The following GPC3 variants were observed in gnomAD, a reference collection of about 807,000 sequenced individuals.
GPC3 encodes the protein glypican-3.
Under a neutral mutation model 34.4 loss-of-function variants are expected in GPC3, and 3 were observed. The ratio of observed to expected loss-of-function variants is 0.09; its 90% CI spans 0.04 to 0.23. The LOEUF (loss-of-function observed/expected upper bound fraction) is 0.23. Among genes scored for constraint, GPC3 ranks in the 10% least tolerant of loss-of-function variants. GPC3 has a pLI of 1.00. For synonymous variants in GPC3, 177 were observed against 174.0 expected (o/e 1.02, Z -0.13); for missense variants, 351 against 445.6 (o/e 0.79, Z 1.91).
At position 133,883,948 on chromosome X, in the gene GPC3, AT is replaced by A. The variant is rs776127386; in HGVS notation, c.337+69101del. Among the ~76,000 whole-genome samples the A allele has an allele frequency of 6.3e-5, 7 of 111,892 alleles. No individual in the cohort carries two copies. In the South Asian group the frequency reaches 2.6e-3, roughly 42 times the overall value. On this transcript the variant is annotated intron_variant, in intron 2 of 7. Coordinates refer to ENST00000370818, the MANE Select transcript of GPC3 (RefSeq NM_004484.4). ...AAAGATATGTTGAATGGTCTTTGAAATTTCTTTAATTATTTAGTTCCTGAAA... is the reference window on the plus strand; with the variant it reads ...AAAGATATGTTGAATGGTCTTTGAAATTCTTTAATTATTTAGTTCCTGAAA...
intron 2 of GPC3, among the ~76,000 whole-genome samples, chrX:133,860,952 A>C (rs1333649387): frequency 9.0e-6 from 1 of 110,769 alleles, no homozygotes; most frequent in Non-Finnish European, 1.9e-5. Context: ...AAATAGAAAA[A>C]TTAGCCAGGC....
intron 2 of GPC3, among the ~76,000 whole-genome samples, chrX:133,901,685 C>T (rs754440646): frequency 2.6e-4 from 29 of 111,449 alleles, no homozygotes; most frequent in Non-Finnish European, 4.3e-4. Context: ...GCGATCTGCC[C>T]GCCTCGGCCT....
intron 6 of GPC3, among the ~76,000 whole-genome samples, chrX:133,633,232 T>C (rs1804366458): frequency 8.9e-6 from 1 of 112,490 alleles, no homozygotes; most frequent in Admixed American, 9.5e-5. Flanking sequence ...GTTGGTTTTA[T>C]GTAAACTGAT....
Position 133,780,284 on chromosome X carries a change from A to C in GPC3, c.338-26108T>G, listed in dbSNP as rs776814217. On this transcript the variant is annotated intron_variant, in intron 2 of 7. Coordinates refer to ENST00000370818, the MANE Select transcript of GPC3 (RefSeq NM_004484.4). Reference sequence around the variant, plus strand: ...ATCTTAAGGAATATTTTTAAGTTATATTAAATTTTGAAATTTTCCCTGCCA... The same window carrying C: ...ATCTTAAGGAATATTTTTAAGTTATCTTAAATTTTGAAATTTTCCCTGCCA... Among the ~76,000 whole-genome samples, 12 of 111,991 alleles carry C rather than the reference A, an allele frequency of 1.1e-4. No homozygotes were observed. The South Asian group carries it at 3.0e-3, about 28-fold the overall frequency.
intron 3 of GPC3, among the ~76,000 whole-genome samples, chrX:133,711,606 T>C (rs1231207031): frequency 9.0e-6 from 1 of 111,671 alleles, no homozygotes; most frequent in Non-Finnish European, 1.9e-5. Context: ...CTTCCAGTTC[T>C]CTGAGACCTC....
rs147807435 is a variant in GPC3, at chrX:133,844,436, A to G, written c.338-90260T>C. On this transcript the variant is annotated intron_variant, in intron 2 of 7. Coordinates refer to ENST00000370818, the MANE Select transcript of GPC3 (RefSeq NM_004484.4). Reference sequence around the variant, plus strand: ...CACACTTTAACAAAACTGGAAACACATGACTGGACACTCCCTAGTGAGGTA... The same window carrying G: ...CACACTTTAACAAAACTGGAAACACGTGACTGGACACTCCCTAGTGAGGTA... Among the ~76,000 whole-genome samples the G allele has an allele frequency of 3.2e-3, 358 of 111,568 alleles. 1 individual carries two copies. Among genetic ancestry groups the G allele is most frequent in the African/African-American group, 0.011 (347 of 30,712 alleles).
rs139142394 is a variant in GPC3 at position 133,968,413 on chromosome X, T to C, written c.176-15202A>G. On this transcript the variant is annotated intron_variant, in intron 1 of 7. Transcript: ENST00000370818. The stretch of plus-strand genomic sequence containing the variant: ...CTGAACCCATCACAAGAGTAATCAT[T>C]AGGAACATGGCTCTGGAACCAGACT... Among the ~76,000 whole-genome samples the C allele has an allele frequency of 7.8e-3, 877 of 112,526 alleles. 12 individuals are homozygous for C. The highest frequency in any genetic ancestry group is 0.027 in the African/African-American group (841 of 30,961).
intron 7 of GPC3, among the ~76,000 whole-genome samples, chrX:133,559,184 C>T (rs1050353542): frequency 5.4e-5 from 6 of 110,478 alleles, no homozygotes; most frequent in African/African-American, 1.6e-4. Context: ...GCCTCACAGG[C>T]GTGAGCCACC....
chrX:133,706,122 T>A (rs2071214226), intron 3 of GPC3, among the ~76,000 whole-genome samples: 1 of 112,229 alleles, frequency 8.9e-6, no homozygotes, highest in Non-Finnish European at 1.9e-5. Flanking sequence ...CAATAAATGG[T>A]GCTAGGATAA....
intron 2 of GPC3, among the ~76,000 whole-genome samples, chrX:133,768,437 A>G (rs143273221): frequency 4.6e-4 from 51 of 110,773 alleles, no homozygotes; most frequent in African/African-American, 1.6e-3. Context: ...CCTGAACACT[A>G]CCTATGATGA....
Position 133,661,635 on chromosome X carries a change from C to T in GPC3, c.1413+95G>A, listed in dbSNP as rs865793843. ...CTCTCTCTCTCTCTCTCTCTCTCTC[C>T]CCCCCCCCTCTCTCTCCCCCTCTCT... On this transcript the variant is annotated intron_variant, in intron 6 of 7. Coordinates refer to ENST00000370818, the MANE Select transcript of GPC3 (RefSeq NM_004484.4). 7.7e-4 allele frequency: 11 copies of T among 14,286 alleles called. 2 individuals carry two copies. The highest frequency in any genetic ancestry group is 3.3e-3 in the African/African-American group (4 of 1,214). 1.2% of individuals were successfully genotyped at this position (14,286 alleles called of 1,213,427 possible). A position where few individuals can be genotyped will look rare whatever the true frequency, so the allele number is the denominator to read the frequency against.
intron 2 of GPC3, among the ~76,000 whole-genome samples, chrX:133,868,854 C>T (rs1430652053): frequency 9.0e-6 from 1 of 111,725 alleles, no homozygotes; most frequent in Non-Finnish European, 1.9e-5. Context: ...AAGTGGAACA[C>T]AGCTATATAG....
At chrX:133,724,099 A>G (rs1217875105) in intron 3 of GPC3, among the ~76,000 whole-genome samples, 1 of 112,173 alleles carries the variant, frequency 8.9e-6, no homozygotes, top group African/African-American at 3.2e-5. Context: ...GAGGTAAGAT[A>G]TCATGCCTAT....
chrX:133,552,245 T>G (rs2069440846), intron 7 of GPC3, among the ~76,000 whole-genome samples: 1 of 111,851 alleles, frequency 8.9e-6, no homozygotes, highest in Non-Finnish European at 1.9e-5. Context: ...GAGTCTAAGA[T>G]TTCATTCAGG....
chrX:133,557,792 T>C (rs2069503391), intron 7 of GPC3, among the ~76,000 whole-genome samples: 1 of 111,386 alleles, frequency 9.0e-6, no homozygotes, highest in East Asian at 2.8e-4. Flanking sequence ...GAGTTTTTAA[T>C]GCCAGCAGTA....
chrX:133,797,829 C>CA (rs367816709), intron 2 of GPC3, among the ~76,000 whole-genome samples: 97 of 103,571 alleles, frequency 9.4e-4, no homozygotes, highest in African/African-American at 9.8e-4. Flanking sequence ...GACTCTGCCT[C>CA]AAAAAAAAAA....
At chrX:133,607,475 C>T (rs1441501456) in intron 6 of GPC3, among the ~76,000 whole-genome samples, 2 of 111,040 alleles carry the variant, frequency 1.8e-5, no homozygotes, top group Admixed American at 1.9e-4. Flanking sequence ...GCTATGTTGC[C>T]CAGGCTGGTC....
intron 2 of GPC3, among the ~76,000 whole-genome samples, chrX:133,898,413 T>A (rs1446246324): frequency 2.7e-5 from 3 of 112,380 alleles, no homozygotes; most frequent in African/African-American, 9.7e-5. Context: ...TTCCTTCAGA[T>A]GAAGTACTGT....
intron 5 of GPC3, chrX:133,671,004 T>C (rs1184437486): frequency 3.7e-6 from 2 of 534,613 alleles, no homozygotes; most frequent in Admixed American, 2.3e-5. Flanking sequence ...AACTACAAAG[T>C]TCATGACCAA....
Sources: gnomAD v4.1 joint callset for allele counts (sites outside exome capture counted in the v4.1 genomes callset) on GRCh38, gnomAD v4.1.1 for gene constraint, MANE v1.5 for transcripts, NCBI Gene and HGNC (gene_info 2026-07-23, HGNC 2026-07-21) for gene names.